Variants in SLC40A1 observed in about 807,000 individuals in gnomAD.
SLC40A1 encodes the protein solute carrier family 40 member 1.
SLC40A1 carries 16 observed loss-of-function variants against 53.5 expected under a neutral mutation model. The observed-to-expected ratio is 0.30, with a 90% CI of 0.20 to 0.45. The LOEUF (loss-of-function observed/expected upper bound fraction) is 0.45. Ranked by LOEUF, SLC40A1 falls within the 20% of genes least tolerant of loss-of-function variation. The probability of loss-of-function intolerance (pLI) is 1.00; values close to 1 mark genes in which losing one functional copy is unlikely to be tolerated. For synonymous variants in SLC40A1, 247 were observed against 253.2 expected, an observed-to-expected ratio of 0.98 and a Z score of 0.23; for missense variants, 545 against 695.4, an observed-to-expected ratio of 0.78 and a Z score of 2.43.
In SLC40A1 at chr2:189,561,277, G is replaced by C. The variant is rs1297697746; in HGVS notation, c.*601C>G. On this transcript the variant is annotated 3_prime_UTR_variant, in exon 8 of 8. Transcript: ENST00000261024. ...CTTCATACAATATGTTGCCCCATCTGATAATAAAAATACAAAGGTGCTCTT... is the reference window on the plus strand; with the variant it reads ...CTTCATACAATATGTTGCCCCATCTCATAATAAAAATACAAAGGTGCTCTT... 6.5e-6 allele frequency: 1 copy of C among 153,262 alleles called. No individual in the cohort carries two copies. The highest frequency in any genetic ancestry group is 1.5e-5 in the Non-Finnish European group (1 of 68,882). 9.5% of individuals were successfully genotyped at this position (153,262 alleles called of 1,614,324 possible). A position where few individuals can be genotyped will look rare whatever the true frequency, so the allele number is the denominator to read the frequency against.
chr2:189,571,585 G>A, intron 5 of SLC40A1, 130 bp downstream of exon 5: 1 of 1,442,800 alleles, frequency 6.9e-7, no homozygotes. Context: ...AAGAAAAAAA[G>A]TATGCTTTCA....
At chr2:189,568,292 T>C (rs1013919379) in intron 5 of SLC40A1, among the ~76,000 whole-genome samples, 5 of 151,618 alleles carry the variant, frequency 3.3e-5, no homozygotes, top group Non-Finnish European at 5.9e-5. Context: ...ATCAAGACAA[T>C]CCTGGCTAAC....
chr2:189,564,888 C>A (rs1233805367), intron 6 of SLC40A1, among the ~76,000 whole-genome samples: 3 of 152,162 alleles, frequency 2.0e-5, no homozygotes, highest in Non-Finnish European at 4.4e-5. Context: ...CCCTGCAGAG[C>A]TGGATAAAAG....
chr2:189,564,858 C>A (rs576749354), intron 6 of SLC40A1, among the ~76,000 whole-genome samples: 1 of 152,106 alleles, frequency 6.6e-6, no homozygotes, highest in Non-Finnish European at 1.5e-5. Context: ...AAAAAACAAC[C>A]AGCATATTAT....
intron 2 of SLC40A1, among the ~76,000 whole-genome samples, chr2:189,577,373 A>G (rs1372806511): frequency 6.6e-6 from 1 of 152,188 alleles, no homozygotes; most frequent in South Asian, 2.1e-4. Context: ...AGGAAATATA[A>G]AGTAGGATGG....
chr2:189,567,598 A>G (rs1280173348), intron 5 of SLC40A1, among the ~76,000 whole-genome samples: 2 of 152,262 alleles, frequency 1.3e-5, no homozygotes, highest in Admixed American at 1.3e-4. Flanking sequence ...AATTAGTGAG[A>G]CAAGTCTTAA....
At chr2:189,571,433 T>G (rs974695468) in intron 5 of SLC40A1, among the ~76,000 whole-genome samples, 2 of 143,184 alleles carry the variant, frequency 1.4e-5, no homozygotes, top group African/African-American at 4.9e-5. Context: ...GAAAGTTGAT[T>G]GAATTTTTTT....
At chr2:189,562,576 G>C (rs867411434) in intron 7 of SLC40A1, among the ~76,000 whole-genome samples, 2 of 152,088 alleles carry the variant, frequency 1.3e-5, no homozygotes, top group Non-Finnish European at 2.9e-5. Context: ...AAAGTGTAAG[G>C]AAACTTTAAA....
Position 189,579,916 on chromosome 2 carries a change from G to T in SLC40A1, c.44-36C>A, listed in dbSNP as rs537719676. On this transcript the variant is annotated intron_variant, in intron 1 of 7. Transcript: ENST00000261024. ...ACAGGCGGGGTGACAAAAAGCGATG[G>T]TAGTCACTTAATGAGCTGAGGGCAG... 1.5e-5 allele frequency: 24 copies of T among 1,595,782 alleles called. No homozygotes were observed. The Admixed American group carries it at 3.8e-4, about 26-fold the overall frequency.
chr2:189,564,670 C>CT (rs1387114836), intron 6 of SLC40A1, among the ~76,000 whole-genome samples: 1 of 152,112 alleles, frequency 6.6e-6, no homozygotes, highest in Non-Finnish European at 1.5e-5. Flanking sequence ...GAAACCCCGT[C>CT]TCTACTAAAA....
At chr2:189,579,687 T>A in intron 2 of SLC40A1, 126 bp downstream of exon 2, 1 of 825,796 alleles carries the variant, frequency 1.2e-6, no homozygotes, top group Non-Finnish European at 2.1e-6. Flanking sequence ...TTAAAGCATG[T>A]GTACTTGGAT....
chr2:189,564,301 T>A, intron 6 of SLC40A1, 76 bp from the exon 7 acceptor site: 1 of 1,260,572 alleles, frequency 7.9e-7, no homozygotes. Flanking sequence ...AGTACTTTTT[T>A]TCCTTCTATT....
At chr2:189,569,975 T>C (rs2031069326) in intron 5 of SLC40A1, among the ~76,000 whole-genome samples, 1 of 145,910 alleles carries the variant, frequency 6.9e-6, no homozygotes, top group East Asian at 2.0e-4. Context: ...TATATGTATG[T>C]ATATATATAC....
intron 5 of SLC40A1, among the ~76,000 whole-genome samples, chr2:189,569,374 A>G (rs2031050597): frequency 6.6e-6 from 1 of 152,200 alleles, no homozygotes; most frequent in African/African-American, 2.4e-5. Context: ...CTTTGCCACA[A>G]CCTCAAAAAT....
Position 189,572,967 on chromosome 2 carries a change from C to A in SLC40A1, c.272-6G>T, listed in dbSNP as rs766487715. On this transcript the variant is annotated splice_polypyrimidine_tract_variant and splice_region_variant and intron_variant, in intron 3 of 7. Transcript: ENST00000261024. ...CACCAGCGAGGTCTGGGCCACTGTG[C>A]AGAGGAAGAGAGAAAGTGTACATTA... is the stretch of plus-strand genomic sequence containing the variant. The A allele has an allele frequency of 6.3e-7, 1 of 1,589,830 alleles. No homozygotes were observed. Among genetic ancestry groups the A allele is most frequent in the South Asian group, 1.1e-5 (1 of 90,576 alleles).
intron 2 of SLC40A1, 55 bp downstream of exon 2, chr2:189,579,756 ACG>A: frequency 6.7e-7 from 1 of 1,483,426 alleles, no homozygotes; most frequent in Non-Finnish European, 9.4e-7. Context: ...ACTGGCTAGA[ACG>A]AAAGGAAATA....
intron 5 of SLC40A1, among the ~76,000 whole-genome samples, chr2:189,568,049 A>T (rs1273956249): frequency 6.6e-6 from 1 of 152,204 alleles, no homozygotes; most frequent in Non-Finnish European, 1.5e-5. Context: ...TTCAGTTTTT[A>T]AGAGCTCACG....
In SLC40A1 at chr2:189,580,735, G is replaced by A; in HGVS notation, c.-275C>T. ...AGCGGTTTGGGAGGCTCAGCAGGTCGTCCGAGCCTAGCGGACGCCCTGAGC... is the reference window on the plus strand; with the variant it reads ...AGCGGTTTGGGAGGCTCAGCAGGTCATCCGAGCCTAGCGGACGCCCTGAGC... On this transcript the variant is annotated 5_prime_UTR_variant, in exon 1 of 8. In the 5' UTR this introduces an upstream ATG that the reference lacks. Coordinates refer to ENST00000261024, the MANE Select transcript of SLC40A1 (RefSeq NM_014585.6). 1 of 1,360,200 alleles carries A rather than the reference G, an allele frequency of 7.4e-7. No homozygotes were observed. Among genetic ancestry groups the A allele is most frequent in the Non-Finnish European group, 9.5e-7 (1 of 1,054,576 alleles). The allele number at this position is 1,360,200 out of a possible 1,614,324, so 84.3% of individuals were successfully genotyped here.
chr2:189,572,609 C>G lies in SLC40A1; in HGVS notation c.387+237G>C, dbSNP rs2031165652. 8.7e-6 allele frequency: 5 copies of G among 576,160 alleles called. No homozygotes were observed. The East Asian group carries it at 1.5e-4, about 17-fold the overall frequency. 35.7% of individuals were successfully genotyped at this position (576,160 alleles called of 1,614,324 possible). A position where few individuals can be genotyped will look rare whatever the true frequency, so the allele number is the denominator to read the frequency against. Reference sequence around the variant, plus strand: ...AAACAACTGAATTCTATAGTAAACTCTTAGAAATGCCATTAGAAACCAATA... The same window carrying G: ...AAACAACTGAATTCTATAGTAAACTGTTAGAAATGCCATTAGAAACCAATA... On this transcript the variant is annotated intron_variant, in intron 4 of 7. Coordinates refer to ENST00000261024, the MANE Select transcript of SLC40A1 (RefSeq NM_014585.6).
Sources: allele counts gnomAD v4.1 joint callset (sites outside exome capture counted in the v4.1 genomes callset), GRCh38; gene constraint gnomAD v4.1.1; transcripts MANE v1.5; gene names NCBI Gene and HGNC (gene_info 2026-07-23, HGNC 2026-07-21).